BCAT1: variants seen among roughly 807,000 people sequenced by gnomAD.
BCAT1 encodes the protein branched-chain-amino-acid aminotransferase, cytosolic.
BCAT1 carries 48 observed loss-of-function variants against 52.4 expected under a neutral mutation model. That is an observed-to-expected ratio of 0.92 (90% CI 0.73 to 1.16). The LOEUF is 1.16. BCAT1 is among the 50% of genes most tolerant of loss of function. The probability of loss-of-function intolerance (pLI) is 0.00; values close to 1 mark genes in which losing one functional copy is unlikely to be tolerated. For missense variants in BCAT1, 451 were observed against 457.1 expected, an observed-to-expected ratio of 0.99 and a Z score of 0.12; for synonymous variants, 167 against 161.3, an observed-to-expected ratio of 1.04 and a Z score of -0.27.
intron 1 of BCAT1, among the ~76,000 whole-genome samples, chr12:24,936,199 C>G (rs761559276): frequency 6.6e-6 from 1 of 152,230 alleles, no homozygotes; most frequent in Admixed American, 6.5e-5. Flanking sequence ...GCTGTTGTAA[C>G]AGATGACTGC....
In BCAT1 at chr12:24,815,953, A is replaced by G. The variant is rs1939859146; in HGVS notation, c.*2055T>C. ...CTGCAACTTTTTCCTAGACTACTAT[A>G]TGAAGAATGAGGTCAAAGGAGTTAG... On this transcript the variant is annotated 3_prime_UTR_variant, in exon 11 of 11. Coordinates refer to ENST00000261192, the MANE Select transcript of BCAT1 (RefSeq NM_005504.7). The G allele has an allele frequency of 6.6e-6, 1 of 152,206 alleles. No individual in the cohort carries two copies. Among genetic ancestry groups the G allele is most frequent in the Non-Finnish European group, 1.5e-5 (1 of 68,034 alleles). 9.4% of individuals were successfully genotyped at this position (152,206 alleles called of 1,614,324 possible).
At chr12:24,888,963 A>T (rs147766346) in intron 3 of BCAT1, among the ~76,000 whole-genome samples, 75 of 152,280 alleles carry the variant, frequency 4.9e-4, no homozygotes, top group African/African-American at 1.7e-3. Context: ...CCAATCAACT[A>T]GGAAAGTCCA....
intron 5 of BCAT1, among the ~76,000 whole-genome samples, chr12:24,866,842 G>A (rs1481903855): frequency 6.6e-6 from 1 of 152,128 alleles, no homozygotes; most frequent in African/African-American, 2.4e-5. Flanking sequence ...TCAGCAGGAT[G>A]TGGGTGGGGC....
chr12:24,821,692 C>A (rs1940136365), intron 10 of BCAT1, among the ~76,000 whole-genome samples: 1 of 152,178 alleles, frequency 6.6e-6, no homozygotes, highest in Non-Finnish European at 1.5e-5. Flanking sequence ...AGGCTCTGTG[C>A]TGAACACTGG....
chr12:24,896,835 T>G (rs1942971139), intron 2 of BCAT1, among the ~76,000 whole-genome samples: 1 of 152,182 alleles, frequency 6.6e-6, no homozygotes, highest in Non-Finnish European at 1.5e-5. Context: ...GGCTAGAGTA[T>G]TCACAGTTGA....
At chr12:24,939,607 C>G (rs1943818707) in intron 1 of BCAT1, among the ~76,000 whole-genome samples, 1 of 152,126 alleles carries the variant, frequency 6.6e-6, no homozygotes, top group African/African-American at 2.4e-5. Context: ...GAGGCTGAGG[C>G]AGGTGGACCA....
intron 5 of BCAT1, among the ~76,000 whole-genome samples, chr12:24,869,012 G>T (rs978439429): frequency 6.6e-6 from 1 of 152,134 alleles, no homozygotes; most frequent in African/African-American, 2.4e-5. Flanking sequence ...ACTTGCAAAG[G>T]CACTTCACAA....
intron 1 of BCAT1, among the ~76,000 whole-genome samples, chr12:24,940,600 A>C (rs949430389): frequency 6.6e-6 from 1 of 152,230 alleles, no homozygotes; most frequent in African/African-American, 2.4e-5. Context: ...TTATATGATT[A>C]ATGTTATATG....
rs1211959333 is a variant in BCAT1 at position 24,824,269 on chromosome 12, TC to T, written c.1119+5553del. ...TTCCTTCCTTCCTTCCTTCCTTCAT[TC>T]CCTCCCTCCCTCCCTCCCTCCCTCC... On this transcript the variant is annotated intron_variant, in intron 10 of 10. Transcript: ENST00000261192. Among the ~76,000 whole-genome samples, 547 of 143,284 alleles carry T rather than the reference TC, an allele frequency of 3.8e-3. 17 individuals are homozygous for T. Among genetic ancestry groups the T allele is most frequent in the African/African-American group, 9.4e-3 (360 of 38,188 alleles). 94.0% of individuals were successfully genotyped at this position (143,284 alleles called of 152,430 possible). A position where few individuals can be genotyped will look rare whatever the true frequency, so the allele number is the denominator to read the frequency against.
At chr12:24,835,670 C>G (rs1247652902) in intron 8 of BCAT1, among the ~76,000 whole-genome samples, 1 of 151,926 alleles carries the variant, frequency 6.6e-6, no homozygotes, top group African/African-American at 2.4e-5. Context: ...TCACTGCGAC[C>G]TTGACCTCCA....
At chr12:24,831,329 T>C (rs1940655877) in intron 9 of BCAT1, among the ~76,000 whole-genome samples, 1 of 152,182 alleles carries the variant, frequency 6.6e-6, no homozygotes, top group African/African-American at 2.4e-5. Flanking sequence ...AGCAGGCTAC[T>C]AGTAGTTAAG....
At chr12:24,858,758 G>C (rs534401533) in intron 5 of BCAT1, among the ~76,000 whole-genome samples, 1 of 152,198 alleles carries the variant, frequency 6.6e-6, no homozygotes, top group Non-Finnish European at 1.5e-5. Context: ...TACCTGCAAG[G>C]CGTGTAAGGA....
intron 4 of BCAT1, 48 bp downstream of exon 4, chr12:24,881,253 A>AC: frequency 1.5e-6 from 2 of 1,344,436 alleles, no homozygotes; most frequent in Non-Finnish European, 2.1e-6. Context: ...CAACACCGTG[A>AC]CCCGTTACAT....
At chr12:24,920,537 A>G (rs916204262) in intron 1 of BCAT1, among the ~76,000 whole-genome samples, 1 of 152,164 alleles carries the variant, frequency 6.6e-6, no homozygotes, top group African/African-American at 2.4e-5. Flanking sequence ...AAAACTCTCA[A>G]ACCATTTTTC....
chr12:24,894,181 C>G (rs1942905752), intron 3 of BCAT1, 94 bp downstream of exon 3: 1 of 1,224,196 alleles, frequency 8.2e-7, no homozygotes, highest in Non-Finnish European at 1.1e-6. Flanking sequence ...ATGATAAAGC[C>G]CATACTGCCC....
intron 5 of BCAT1, among the ~76,000 whole-genome samples, chr12:24,866,648 T>C (rs1591821642): frequency 6.6e-6 from 1 of 152,058 alleles, no homozygotes; most frequent in Non-Finnish European, 1.5e-5. Context: ...TAGCTCAAGG[T>C]TTGTAAATGC....
At position 24,810,442 on chromosome 12, in the gene BCAT1, A is replaced by G. The variant is rs1383056436; in HGVS notation, c.*7566T>C. On this transcript the variant is annotated 3_prime_UTR_variant, in exon 11 of 11. Transcript: ENST00000261192. Reference sequence around the variant, plus strand: ...CCCCTTTTCTTTTTGTTTTGTACTAAATCAATGTAGAAAACACACTTTCTA... The same window carrying G: ...CCCCTTTTCTTTTTGTTTTGTACTAGATCAATGTAGAAAACACACTTTCTA... The G allele has an allele frequency of 6.6e-6, 1 of 152,178 alleles. No homozygotes were observed. The highest frequency in any genetic ancestry group is 1.5e-5 in the Non-Finnish European group (1 of 68,032). The allele number at this position is 152,178 out of a possible 1,614,324, so 9.4% of individuals were successfully genotyped here. A position where few individuals can be genotyped will look rare whatever the true frequency, so the allele number is the denominator to read the frequency against.
intron 6 of BCAT1, among the ~76,000 whole-genome samples, chr12:24,843,963 C>T (rs1941255792): frequency 6.6e-6 from 1 of 152,108 alleles, no homozygotes; most frequent in South Asian, 2.1e-4. Context: ...CCACACTTCA[C>T]AGAAGAAAGC....
chr12:24,942,427 C>T lies in BCAT1; in HGVS notation c.6+6500G>A, dbSNP rs527833062. Among the ~76,000 whole-genome samples, 7 of 151,972 alleles carry T rather than the reference C, an allele frequency of 4.6e-5. No individual in the cohort carries two copies. The East Asian group carries it at 1.4e-3, about 29-fold the overall frequency. ...AGCGTGGTCGTGGGTGTCTGTAATC[C>T]CAGCTACTCAGGAGGCTGAGGCAGG... On this transcript the variant is annotated intron_variant, in intron 1 of 10. Transcript: ENST00000261192.
Sources: gnomAD v4.1 joint callset for allele counts (sites outside exome capture counted in the v4.1 genomes callset) on GRCh38, gnomAD v4.1.1 for gene constraint, MANE v1.5 for transcripts, NCBI Gene and HGNC (gene_info 2026-07-23, HGNC 2026-07-21) for gene names.